Variants in BIRC6 observed in about 807,000 individuals in gnomAD.
The protein encoded by BIRC6 is dual E2 ubiquitin-conjugating enzyme/E3 ubiquitin-protein ligase BIRC6.
Under a neutral mutation model 503.3 loss-of-function variants are expected in BIRC6, and 98 were observed. That is an observed-to-expected ratio of 0.19 (90% CI 0.17 to 0.23). The LOEUF (loss-of-function observed/expected upper bound fraction) is 0.23, where lower values mean the gene tolerates loss of function less well. Among genes scored for constraint, BIRC6 ranks in the 10% least tolerant of loss-of-function variants. The pLI is 1.00. For synonymous variants in BIRC6, 2,240 were observed against 2,078.7 expected (o/e 1.08, Z -2.11); for missense variants, 5,360 against 5,806.0 (o/e 0.92, Z 2.50).
At chr2:32,480,100 AT>A (rs1253571404) in intron 37 of BIRC6, among the ~76,000 whole-genome samples, 1 of 151,968 alleles carries the variant, frequency 6.6e-6, no homozygotes, top group Non-Finnish European at 1.5e-5. Context: ...TGCTGCAGTC[AT>A]TTTCAACCAT....
In BIRC6 at chr2:32,532,476, G is replaced by A. The variant is rs188477205; in HGVS notation, c.12291+925G>A. Among the ~76,000 whole-genome samples the A allele has an allele frequency of 2.9e-3, 434 of 152,076 alleles. 2 individuals carry two copies. Among genetic ancestry groups the A allele is most frequent in the African/African-American group, 0.01 (424 of 41,468 alleles). On this transcript the variant is annotated intron_variant, in intron 61 of 73. Transcript: ENST00000421745. The stretch of plus-strand genomic sequence containing the variant: ...ATGGCCATCTTTCCTGTGTGTCCTT[G>A]TATCTCTTTCTCCTTATAAGGACAC...
intron 6 of BIRC6, among the ~76,000 whole-genome samples, chr2:32,400,511 G>A (rs543004056): frequency 7.2e-5 from 11 of 151,788 alleles, no homozygotes; most frequent in African/African-American, 2.2e-4. Context: ...GCTAATTTTC[G>A]TATTTTTAGT....
chr2:32,507,446 C>CAA (rs2053923567), intron 50 of BIRC6, among the ~76,000 whole-genome samples: 1 of 151,792 alleles, frequency 6.6e-6, no homozygotes, highest in African/African-American at 2.4e-5. Flanking sequence ...GAAAACAAAA[C>CAA]AAAACAAACA....
chr2:32,388,486 C>T (rs1006387848), intron 3 of BIRC6, among the ~76,000 whole-genome samples: 2 of 152,142 alleles, frequency 1.3e-5, no homozygotes, highest in Admixed American at 1.3e-4. Flanking sequence ...GGATTACAGG[C>T]GTAAGCCACT....
chr2:32,442,491 G>A (rs2045535990), intron 19 of BIRC6, 36 bp downstream of exon 19: 1 of 1,554,048 alleles, frequency 6.4e-7, no homozygotes, highest in Non-Finnish European at 8.7e-7. Context: ...ATACTTTCTA[G>A]GTACACCTGC....
chr2:32,431,603 CTTCT>C lies in BIRC6; in HGVS notation c.3248+514_3248+517del, dbSNP rs1401577458. On this transcript the variant is annotated intron_variant, in intron 12 of 73. Coordinates refer to ENST00000421745, the MANE Select transcript of BIRC6 (RefSeq NM_016252.4). Reference sequence around the variant, plus strand: ...TTTTTGCATGTTGATGACTTTGTTCCTTCTATTTGTCATATTGCTTTTGGAAATT... The same window carrying C: ...TTTTTGCATGTTGATGACTTTGTTCCATTTGTCATATTGCTTTTGGAAATT... Among the ~76,000 whole-genome samples the C allele has an allele frequency of 3.3e-5, 5 of 152,052 alleles. No individual in the cohort carries two copies. In the East Asian group the frequency reaches 9.6e-4, roughly 29 times the overall value.
intron 65 of BIRC6, among the ~76,000 whole-genome samples, 169 bp from the exon 66 acceptor site, chr2:32,574,987 A>G (rs1287279052): frequency 1.3e-5 from 2 of 152,202 alleles, no homozygotes; most frequent in Non-Finnish European, 2.9e-5. Context: ...ACCTCGGGTG[A>G]TCTGCCTGCC....
chr2:32,416,227 G>A, intron 10 of BIRC6, 64 bp downstream of exon 10: 1 of 1,434,740 alleles, frequency 7.0e-7, no homozygotes, highest in Non-Finnish European at 9.3e-7. Flanking sequence ...TTGTTTATGT[G>A]CAAACCTAGT....
chr2:32,580,978 A>G (rs2060634735), intron 66 of BIRC6, among the ~76,000 whole-genome samples: 1 of 152,224 alleles, frequency 6.6e-6, no homozygotes, highest in Non-Finnish European at 1.5e-5. Context: ...TGGATCTGGG[A>G]ACATGGCTTC....
At chr2:32,399,426 G>C (rs1213580655) in intron 6 of BIRC6, among the ~76,000 whole-genome samples, 1 of 152,104 alleles carries the variant, frequency 6.6e-6, no homozygotes, top group Non-Finnish European at 1.5e-5. Context: ...ATATTGTCCA[G>C]GCTGAAGTGC....
intron 4 of BIRC6, among the ~76,000 whole-genome samples, chr2:32,390,684 A>G (rs950450463): frequency 2.0e-5 from 3 of 152,224 alleles, no homozygotes; most frequent in East Asian, 1.9e-4. Context: ...TCTGAAGTAC[A>G]TTTATAAATA....
intron 65 of BIRC6, among the ~76,000 whole-genome samples, chr2:32,561,804 G>C (rs2059209825): frequency 6.6e-6 from 1 of 151,270 alleles, no homozygotes; most frequent in Non-Finnish European, 1.5e-5. Flanking sequence ...AGCGCTTTGG[G>C]AGGCTGAGGC....
At chr2:32,371,396 A>G (rs1012117853) in intron 1 of BIRC6, among the ~76,000 whole-genome samples, 22 of 150,630 alleles carry the variant, frequency 1.5e-4, no homozygotes, top group Admixed American at 1.3e-3. Flanking sequence ...TTTTTTGGAG[A>G]CAGAGTCTCG....
Position 32,578,808 on chromosome 2 carries a change from ATACATACATAC to A in BIRC6, c.13355+3443_13355+3453del, listed in dbSNP as rs1245792105. Among the ~76,000 whole-genome samples, 167 of 146,824 alleles carry A rather than the reference ATACATACATAC, an allele frequency of 1.1e-3. 1 individual carries two copies. The highest frequency in any genetic ancestry group is 4.3e-4 in the Non-Finnish European group (29 of 67,602). Reference sequence around the variant, plus strand: ...AGGGAAACTCTGTCTCAAAAAATACATACATACATACATACATACATACATACTATGTATCA... The same window carrying A: ...AGGGAAACTCTGTCTCAAAAAATACAATACATACATACATACTATGTATCA... On this transcript the variant is annotated intron_variant, in intron 66 of 73. Transcript: ENST00000421745.
chr2:32,432,148 G>A (rs2044194261), intron 12 of BIRC6, among the ~76,000 whole-genome samples: 1 of 152,118 alleles, frequency 6.6e-6, no homozygotes, highest in Non-Finnish European at 1.5e-5. Context: ...AGGCATGGTC[G>A]CTCAAACCTG....
intron 66 of BIRC6, among the ~76,000 whole-genome samples, chr2:32,585,144 G>C (rs2151237477): frequency 6.6e-6 from 1 of 152,244 alleles, no homozygotes; most frequent in African/African-American, 2.4e-5. Context: ...AAGTAGCAAA[G>C]GGTATATATC....
intron 8 of BIRC6, among the ~76,000 whole-genome samples, chr2:32,405,748 A>G (rs945680073): frequency 1.3e-5 from 2 of 152,190 alleles, no homozygotes; most frequent in Admixed American, 6.5e-5. Context: ...AAACATACAC[A>G]CTTGCTTATA....
chr2:32,539,463 A>G (rs1455886590), intron 61 of BIRC6, among the ~76,000 whole-genome samples: 1 of 152,222 alleles, frequency 6.6e-6, no homozygotes, highest in Non-Finnish European at 1.5e-5. Context: ...TAAAAACATT[A>G]AAATCAAACC....
At chr2:32,449,674 G>T (rs1370808016) in intron 22 of BIRC6, among the ~76,000 whole-genome samples, 1 of 152,100 alleles carries the variant, frequency 6.6e-6, no homozygotes, top group Non-Finnish European at 1.5e-5. Context: ...CTTATGAGGT[G>T]TAATAAAAGC....
Sources: gnomAD v4.1 joint callset for allele counts (sites outside exome capture counted in the v4.1 genomes callset) on GRCh38, gnomAD v4.1.1 for gene constraint, MANE v1.5 for transcripts, NCBI Gene and HGNC (gene_info 2026-07-23, HGNC 2026-07-21) for gene names.